PTPRG: variants seen among roughly 807,000 people sequenced by gnomAD.
PTPRG encodes receptor-type tyrosine-protein phosphatase gamma.
PTPRG carries 102 observed loss-of-function variants against 165.3 expected under a neutral mutation model. The ratio of observed to expected loss-of-function variants is 0.62; its 90% CI spans 0.53 to 0.73. The LOEUF (loss-of-function observed/expected upper bound fraction) is 0.73. Ranked by LOEUF, PTPRG falls within the 30% of genes least tolerant of loss-of-function variation. The pLI is 0.00. For synonymous variants in PTPRG, 675 were observed against 669.5 expected (o/e 1.01, Z -0.13); for missense variants, 1,866 against 1,861.4 (o/e 1.00, Z -0.05).
chr3:61,978,012 C>A (rs1406873228), intron 2 of PTPRG, among the ~76,000 whole-genome samples: 1 of 152,214 alleles, frequency 6.6e-6, no homozygotes, highest in Non-Finnish European at 1.5e-5. Context: ...CCACCACACT[C>A]AACTAATTTT....
intron 1 of PTPRG, among the ~76,000 whole-genome samples, chr3:61,574,768 C>A (rs1330698932): frequency 6.6e-6 from 1 of 152,130 alleles, no homozygotes; most frequent in Admixed American, 6.5e-5. Flanking sequence ...CTGGTGAGGG[C>A]TTTTGTGCTG....
intron 2 of PTPRG, among the ~76,000 whole-genome samples, chr3:61,929,956 A>T (rs990515219): frequency 1.3e-5 from 2 of 152,200 alleles, no homozygotes; most frequent in African/African-American, 4.8e-5. Flanking sequence ...ATCTTGTTTT[A>T]ATTAAAACTA....
intron 2 of PTPRG, among the ~76,000 whole-genome samples, chr3:61,755,562 A>G (rs1048617596): frequency 2.6e-5 from 4 of 152,188 alleles, no homozygotes; most frequent in African/African-American, 7.2e-5. Flanking sequence ...CTAATTGTCT[A>G]CTGTGTGCCA....
Position 62,273,594 on chromosome 3 carries a change from T to C in PTPRG, c.3319-104T>C. The C allele has an allele frequency of 8.7e-7, 1 of 1,145,918 alleles. No individual in the cohort carries two copies. The allele number at this position is 1,145,918 out of a possible 1,614,324, so 71.0% of individuals were successfully genotyped here. ...GCTGTAAGTGCTTGAAGGAAATCAC[T>C]GGGAGGTCCCTGTTAGCAGCAGAAT... On this transcript the variant is annotated intron_variant, in intron 22 of 29. Transcript: ENST00000474889. This position sits in a 1 kb window ranked among gnomAD's most constrained non-coding sequence, Gnocchi z 4.1.
At chr3:61,760,589 C>T (rs968287947) in intron 2 of PTPRG, among the ~76,000 whole-genome samples, 1 of 152,136 alleles carries the variant, frequency 6.6e-6, no homozygotes, top group African/African-American at 2.4e-5. Context: ...ACTCTGCAAC[C>T]CATTCCTTTG....
chr3:62,281,538 C>CTTATTTTTTTTTTTTTTTTTT (rs373128198), intron 26 of PTPRG, 25 bp from the exon 27 acceptor site: 1 of 497,854 alleles, frequency 2.0e-6, no homozygotes, highest in Admixed American at 1.1e-4. Flanking sequence ...ACTGCAGAGG[C>CTTATTTTTTTTTTTTTTTTTT]TTTTTTTTTT....
chr3:61,890,858 AAAT>A (rs144453281), intron 2 of PTPRG, among the ~76,000 whole-genome samples: 1 of 152,352 alleles, frequency 6.6e-6, no homozygotes, highest in African/African-American at 2.4e-5. Flanking sequence ...AGCATTCTAC[AAAT>A]AATGTTTTGT....
chr3:62,006,342 C>T (rs1470004825), intron 4 of PTPRG, among the ~76,000 whole-genome samples: 1 of 152,118 alleles, frequency 6.6e-6, no homozygotes, highest in East Asian at 1.9e-4. Context: ...AGTTGCTTGC[C>T]TTTGCCCAAA....
intron 3 of PTPRG, among the ~76,000 whole-genome samples, chr3:62,002,084 A>G (rs1206049661): frequency 1.3e-5 from 2 of 152,196 alleles, no homozygotes; most frequent in African/African-American, 2.4e-5. Flanking sequence ...ATATTTTTTC[A>G]GAAGTTGGAG....
At chr3:62,003,199 C>T (rs2041215093) in intron 3 of PTPRG, 150 bp from the exon 4 acceptor site, 17 of 815,444 alleles carry the variant, frequency 2.1e-5, no homozygotes, top group Non-Finnish European at 2.9e-5. Context: ...CTAATTTATT[C>T]AGGCGGGTGT....
At chr3:62,078,606 A>G (rs1178624729) in intron 5 of PTPRG, among the ~76,000 whole-genome samples, 2 of 152,176 alleles carry the variant, frequency 1.3e-5, no homozygotes, top group Non-Finnish European at 2.9e-5. Context: ...GAGCAACTTT[A>G]AAATTTGACA....
intron 4 of PTPRG, among the ~76,000 whole-genome samples, chr3:62,065,442 C>T (rs923191290): frequency 6.6e-6 from 1 of 152,194 alleles, no homozygotes; most frequent in African/African-American, 2.4e-5. Context: ...GGACACTGTT[C>T]AGTGAATACA....
intron 1 of PTPRG, among the ~76,000 whole-genome samples, chr3:61,642,092 T>C (rs1334603123): frequency 6.6e-6 from 1 of 152,158 alleles, no homozygotes; most frequent in Non-Finnish European, 1.5e-5. Context: ...GGATTGTTAG[T>C]TTGTAAAAAT....
At chr3:61,656,617 A>G (rs888433136) in intron 1 of PTPRG, among the ~76,000 whole-genome samples, 6 of 152,194 alleles carry the variant, frequency 3.9e-5, no homozygotes, top group Admixed American at 3.3e-4. Flanking sequence ...TTGGTTCGGC[A>G]TTCTAACAGT....
At chr3:61,766,847 T>C (rs2034034090) in intron 2 of PTPRG, among the ~76,000 whole-genome samples, 1 of 151,946 alleles carries the variant, frequency 6.6e-6, no homozygotes, top group Non-Finnish European at 1.5e-5. Flanking sequence ...CTCAAACTCC[T>C]GATCTCAAAT....
At chr3:61,749,156 T>A in intron 2 of PTPRG, 174 bp downstream of exon 2, 1 of 700,908 alleles carries the variant, frequency 1.4e-6, no homozygotes, top group Middle Eastern at 2.6e-4. Flanking sequence ...ATAAGCACCT[T>A]AATTTATCTC....
intron 2 of PTPRG, among the ~76,000 whole-genome samples, chr3:61,880,603 G>T (rs563300835): frequency 2.3e-5 from 3 of 129,854 alleles, no homozygotes; most frequent in African/African-American, 9.1e-5. Flanking sequence ...CAGCTTGGGT[G>T]ACAACGCGAA....
intron 1 of PTPRG, among the ~76,000 whole-genome samples, chr3:61,676,548 TCACACACACACAAA>T (rs970579955): frequency 5.3e-5 from 8 of 151,410 alleles, no homozygotes; most frequent in Non-Finnish European, 1.2e-4. Flanking sequence ...TATTTTACTT[TCACACACACACAAA>T]CACACACACA....
chr3:61,888,426 C>T (rs1175192272), intron 2 of PTPRG, among the ~76,000 whole-genome samples: 4 of 152,012 alleles, frequency 2.6e-5, no homozygotes, highest in South Asian at 2.1e-4. Flanking sequence ...CTCCACCTCC[C>T]GGGTTCACGC....
Sources: allele counts gnomAD v4.1 joint callset (sites outside exome capture counted in the v4.1 genomes callset), GRCh38; gene constraint gnomAD v4.1.1; non-coding constraint Gnocchi (gnomAD v3.1); transcripts MANE v1.5; gene names NCBI Gene and HGNC (gene_info 2026-07-23, HGNC 2026-07-21).